The following PPP2R3A variants were observed in gnomAD, a reference collection of about 807,000 sequenced individuals.
PPP2R3A encodes the protein serine/threonine-protein phosphatase 2A regulatory subunit B'' subunit alpha.
In PPP2R3A, 80 loss-of-function variants were observed where a neutral mutation model predicts 106.9. That is an observed-to-expected ratio of 0.75 (90% CI 0.62 to 0.90). The LOEUF (loss-of-function observed/expected upper bound fraction) is 0.90, where lower values mean the gene tolerates loss of function less well. PPP2R3A is among the 40% of genes least tolerant of loss of function. PPP2R3A has a pLI of 0.00. For missense variants in PPP2R3A, 1,386 were observed against 1,350.4 expected (o/e 1.03, Z -0.41); for synonymous variants, 483 against 468.3 (o/e 1.03, Z -0.41).
chr3:135,972,372 A>G (rs1274740714), intron 1 of PPP2R3A, among the ~76,000 whole-genome samples: 1 of 152,180 alleles, frequency 6.6e-6, no homozygotes, highest in East Asian at 1.9e-4. Flanking sequence ...ATCAGTTGAC[A>G]TTTAGATTGT....
intron 8 of PPP2R3A, among the ~76,000 whole-genome samples, chr3:136,087,250 T>C (rs948885155): frequency 5.4e-5 from 5 of 91,908 alleles, no homozygotes; most frequent in Admixed American, 3.1e-4. Flanking sequence ...GTCGTGTCTC[T>C]CTCTCTCTCT....
rs771249861 is a variant in PPP2R3A at position 136,090,692 on chromosome 3, C to T, written c.2927+25C>T. On this transcript the variant is annotated intron_variant, in intron 10 of 13. Transcript: ENST00000264977. ...GGTATGATTTCTAAGTTTCCTTTGC[C>T]AAGATGTTAAACACATGCACAAAGC... The T allele has an allele frequency of 1.4e-5, 22 of 1,579,666 alleles. No homozygotes were observed. In the African/African-American group the frequency reaches 2.4e-4, roughly 17 times the overall value.
At chr3:136,115,223 C>T (rs147995658) in intron 13 of PPP2R3A, among the ~76,000 whole-genome samples, 5 of 152,054 alleles carry the variant, frequency 3.3e-5, no homozygotes, top group Non-Finnish European at 5.9e-5. Context: ...AGCATGTCTA[C>T]TCAGAGACCC....
intron 4 of PPP2R3A, among the ~76,000 whole-genome samples, chr3:136,044,752 G>C (rs1043358029): frequency 1.3e-5 from 2 of 152,130 alleles, no homozygotes; most frequent in Non-Finnish European, 2.9e-5. Flanking sequence ...CACTGAGGCT[G>C]AAGAGGGAGG....
intron 2 of PPP2R3A, among the ~76,000 whole-genome samples, chr3:136,009,215 C>T (rs1378295607): frequency 6.6e-6 from 1 of 152,062 alleles, no homozygotes; most frequent in African/African-American, 2.4e-5. Context: ...TTCTCATTCC[C>T]ACCCCCTATC....
At position 135,968,645 on chromosome 3, in the gene PPP2R3A, C is replaced by G. The variant is rs1937159307; in HGVS notation, c.-441+2796C>G. Among the ~76,000 whole-genome samples, 4 of 137,236 alleles carry G rather than the reference C, an allele frequency of 2.9e-5. No homozygotes were observed. The South Asian group carries it at 9.3e-4, about 32-fold the overall frequency. The allele number at this position is 137,236 out of a possible 152,430, so 90.0% of individuals were successfully genotyped here. ...AGAACTTAAGACCGACGCCTGGGCC[C>G]TCCTCCAAGCAAATCAGAGCATTTT... On this transcript the variant is annotated intron_variant, in intron 1 of 13. Coordinates refer to ENST00000264977, the MANE Select transcript of PPP2R3A (RefSeq NM_002718.5).
intron 5 of PPP2R3A, among the ~76,000 whole-genome samples, chr3:136,064,520 G>A (rs1936196796): frequency 1.3e-5 from 2 of 152,094 alleles, no homozygotes; most frequent in South Asian, 4.1e-4. Flanking sequence ...GGAAATGGTT[G>A]TGTTCACCTT....
At chr3:135,995,828 G>A (rs528107800) in intron 1 of PPP2R3A, among the ~76,000 whole-genome samples, 2 of 152,186 alleles carry the variant, frequency 1.3e-5, no homozygotes, top group South Asian at 4.2e-4. Context: ...AAAATACAGT[G>A]GAAATAATTG....
chr3:136,111,694 C>G (rs749899353), intron 13 of PPP2R3A, among the ~76,000 whole-genome samples: 4 of 151,176 alleles, frequency 2.6e-5, no homozygotes, highest in African/African-American at 4.9e-5. Context: ...CTGGACTAGA[C>G]AGATTCACAG....
At chr3:136,044,668 A>T (rs959439910) in intron 4 of PPP2R3A, among the ~76,000 whole-genome samples, 1 of 152,010 alleles carries the variant, frequency 6.6e-6, no homozygotes, top group African/African-American at 2.4e-5. Context: ...AAACCAAAAT[A>T]TTGAGTAAAC....
chr3:136,106,642 C>A (rs1937522020), intron 13 of PPP2R3A: 1 of 275,024 alleles, frequency 3.6e-6, no homozygotes. Flanking sequence ...AAAGCTCTGG[C>A]CGGGCACGGT....
intron 2 of PPP2R3A, among the ~76,000 whole-genome samples, chr3:136,020,639 G>A (rs1020130519): frequency 4.0e-5 from 6 of 151,744 alleles, no homozygotes; most frequent in Non-Finnish European, 7.4e-5. Flanking sequence ...GTTAGTTTAT[G>A]TAATGAATTG....
intron 7 of PPP2R3A, among the ~76,000 whole-genome samples, chr3:136,080,928 A>T (rs1936759784): frequency 1.3e-5 from 2 of 151,910 alleles, no homozygotes; most frequent in South Asian, 4.1e-4. Context: ...TTAAAAAATA[A>T]TTTTTTGTCA....
At chr3:136,008,780 C>G (rs1933939637) in intron 2 of PPP2R3A, among the ~76,000 whole-genome samples, 2 of 152,144 alleles carry the variant, frequency 1.3e-5, no homozygotes, top group South Asian at 4.1e-4. Flanking sequence ...AGCCTCCACT[C>G]CACCCTTGGC....
At chr3:136,092,450 G>C (rs79117371) in intron 10 of PPP2R3A, among the ~76,000 whole-genome samples, 7,308 of 152,174 alleles carry the variant, frequency 0.048, 568 homozygotes, top group African/African-American at 0.16. Flanking sequence ...ATATTAGTTA[G>C]TTTGAGTCAA....
intron 1 of PPP2R3A, among the ~76,000 whole-genome samples, chr3:135,991,132 C>T (rs988805319): frequency 2.0e-5 from 3 of 152,098 alleles, no homozygotes; most frequent in Admixed American, 2.0e-4. Flanking sequence ...TCGTCTTTTG[C>T]GTAAAGGTTA....
chr3:136,012,346 A>G (rs1467768193), intron 2 of PPP2R3A, among the ~76,000 whole-genome samples: 1 of 152,216 alleles, frequency 6.6e-6, no homozygotes, highest in Non-Finnish European at 1.5e-5. Flanking sequence ...TACCCCAAGT[A>G]TTAGGAACAC....
rs1939135976 is a variant in PPP2R3A at position 136,146,601 on chromosome 3, C to T, written c.*1435C>T. The T allele has an allele frequency of 6.6e-6, 1 of 151,938 alleles. No homozygotes were observed. The highest frequency in any genetic ancestry group is 6.5e-5 in the Admixed American group (1 of 15,270). 9.4% of individuals were successfully genotyped at this position (151,938 alleles called of 1,614,324 possible). A position where few individuals can be genotyped will look rare whatever the true frequency, so the allele number is the denominator to read the frequency against. ...TAGGAATCCTGCCTGTCACAAGCTC[C>T]CAGTTCCCTGTCATTTTATCTTCAT... On this transcript the variant is annotated 3_prime_UTR_variant, in exon 14 of 14. Coordinates refer to ENST00000264977, the MANE Select transcript of PPP2R3A (RefSeq NM_002718.5).
intron 1 of PPP2R3A, among the ~76,000 whole-genome samples, chr3:135,987,411 G>A (rs974786574): frequency 9.9e-5 from 15 of 152,070 alleles, no homozygotes; most frequent in Non-Finnish European, 2.1e-4. Context: ...TTGATCTTAG[G>A]TGGAACCCAA....
Sources: gnomAD v4.1 joint callset for allele counts (sites outside exome capture counted in the v4.1 genomes callset) on GRCh38, gnomAD v4.1.1 for gene constraint, MANE v1.5 for transcripts, NCBI Gene and HGNC (gene_info 2026-07-23, HGNC 2026-07-21) for gene names.